Variants in TAFA2 observed in about 807,000 individuals in gnomAD.
TAFA2 encodes the protein chemokine-like protein TAFA-2.
Under a neutral mutation model 18.8 loss-of-function variants are expected in TAFA2, and 7 were observed. That is an observed-to-expected ratio of 0.37 (90% confidence interval 0.21 to 0.70). The LOEUF (loss-of-function observed/expected upper bound fraction) is 0.70. TAFA2 is among the 30% of genes least tolerant of loss of function. The pLI, the probability that TAFA2 is intolerant of heterozygous loss-of-function variation, is 0.53. For missense variants in TAFA2, 122 were observed against 158.1 expected (o/e 0.77, Z 1.23); for synonymous variants, 60 against 54.2 (o/e 1.11, Z -0.47).
At chr12:61,988,719 C>CA (rs1879898616) in intron 1 of TAFA2, among the ~76,000 whole-genome samples, 1 of 152,100 alleles carries the variant, frequency 6.6e-6, no homozygotes, top group Admixed American at 6.6e-5. Context: ...CAACTTGGCC[C>CA]AACAACGGAG....
intron 2 of TAFA2, among the ~76,000 whole-genome samples, chr12:61,780,536 C>A (rs1870459894): frequency 6.6e-6 from 1 of 151,514 alleles, no homozygotes; most frequent in South Asian, 2.1e-4. Flanking sequence ...CAGTCTCTTG[C>A]CAGTTTTACA....
chr12:61,916,386 T>C (rs1214014447), intron 1 of TAFA2, among the ~76,000 whole-genome samples: 3 of 152,164 alleles, frequency 2.0e-5, no homozygotes, highest in African/African-American at 7.2e-5. Flanking sequence ...CGACGGTTGA[T>C]TGTGAGGATC....
intron 1 of TAFA2, among the ~76,000 whole-genome samples, chr12:62,178,198 G>A (rs1346652710): frequency 6.6e-6 from 1 of 152,132 alleles, no homozygotes; most frequent in Non-Finnish European, 1.5e-5. Context: ...TTTTTGGAAG[G>A]CTGAGGCAGG....
At chr12:62,256,673 C>T (rs2062940661) in intron 1 of TAFA2, among the ~76,000 whole-genome samples, 1 of 152,180 alleles carries the variant, frequency 6.6e-6, no homozygotes, top group Non-Finnish European at 1.5e-5. Flanking sequence ...TTTCATCTTA[C>T]TATATTTTCA....
At chr12:62,219,918 T>G (rs1015138717) in intron 1 of TAFA2, among the ~76,000 whole-genome samples, 1 of 152,152 alleles carries the variant, frequency 6.6e-6, no homozygotes, top group African/African-American at 2.4e-5. Context: ...AACCCAGTGA[T>G]CAGCAGATCA....
chr12:61,876,327 G>T (rs185736381), intron 1 of TAFA2, among the ~76,000 whole-genome samples: 6 of 152,160 alleles, frequency 3.9e-5, no homozygotes, highest in South Asian at 2.1e-4. Flanking sequence ...GTGAAAAAGT[G>T]AGTGAGAACA....
At chr12:62,051,254 T>C (rs1487499992) in intron 1 of TAFA2, among the ~76,000 whole-genome samples, 1 of 152,192 alleles carries the variant, frequency 6.6e-6, no homozygotes, top group Non-Finnish European at 1.5e-5. Flanking sequence ...AGATTGGTCC[T>C]TACTCCTCCT....
chr12:61,845,403 G>C (rs1007435847), intron 2 of TAFA2, among the ~76,000 whole-genome samples: 1 of 152,128 alleles, frequency 6.6e-6, no homozygotes, highest in Non-Finnish European at 1.5e-5. Flanking sequence ...CCAAGTGTTT[G>C]GTCACCCCCA....
rs914267032 is a variant in TAFA2 at position 62,257,343 on chromosome 12, C to T, written c.-130+1420G>A. On this transcript the variant is annotated intron_variant, in intron 1 of 5. Transcript: ENST00000551619. Reference sequence around the variant, plus strand: ...TTCCATTAAACTGTATTACAAAATGCAGTGCTTTTTTTCTCTGGTTCACCC... The same window carrying T: ...TTCCATTAAACTGTATTACAAAATGTAGTGCTTTTTTTCTCTGGTTCACCC... Among the ~76,000 whole-genome samples the T allele has an allele frequency of 9.9e-5, 15 of 152,172 alleles. 1 individual carries two copies. Among genetic ancestry groups the T allele is most frequent in the African/African-American group, 3.6e-4 (15 of 41,524 alleles).
chr12:61,773,109 G>A (rs1870104937), intron 2 of TAFA2, among the ~76,000 whole-genome samples: 1 of 151,696 alleles, frequency 6.6e-6, no homozygotes, highest in African/African-American at 2.4e-5. Flanking sequence ...TTTTATGATA[G>A]CTGCAGAAAA....
At chr12:61,810,854 A>AG (rs1250908573) in intron 2 of TAFA2, among the ~76,000 whole-genome samples, 10 of 147,874 alleles carry the variant, frequency 6.8e-5, no homozygotes, top group Non-Finnish European at 1.3e-4. Flanking sequence ...CATGTGTGGA[A>AG]GAAAAAAGAG....
chr12:61,817,476 T>C (rs954794748), intron 2 of TAFA2, among the ~76,000 whole-genome samples: 3 of 152,212 alleles, frequency 2.0e-5, no homozygotes, highest in African/African-American at 7.2e-5. Context: ...AAGGAACTTA[T>C]ATGGCTTTGA....
chr12:61,962,026 T>C (rs1314188913), intron 1 of TAFA2, among the ~76,000 whole-genome samples: 1 of 152,016 alleles, frequency 6.6e-6, no homozygotes, highest in Non-Finnish European at 1.5e-5. Context: ...ACTTCGCTTA[T>C]AGTAAACACT....
intron 1 of TAFA2, among the ~76,000 whole-genome samples, chr12:61,896,217 T>A (rs1262331350): frequency 6.6e-6 from 1 of 152,190 alleles, no homozygotes; most frequent in South Asian, 2.1e-4. Flanking sequence ...GCCTAAAACT[T>A]AGCCAAAGCT....
intron 1 of TAFA2, chr12:62,234,576 GAA>G: frequency 1.2e-6 from 1 of 831,430 alleles, no homozygotes; most frequent in South Asian, 1.3e-5. Flanking sequence ...TAGAACGGAA[GAA>G]AGACCATAAA....
intron 1 of TAFA2, among the ~76,000 whole-genome samples, chr12:61,948,054 A>C (rs1031167109): frequency 2.0e-5 from 3 of 152,238 alleles, no homozygotes; most frequent in Non-Finnish European, 4.4e-5. Flanking sequence ...AGAATGACCT[A>C]CTATGTGCCT....
At chr12:61,711,379 A>T (rs1869400562) in intron 4 of TAFA2, among the ~76,000 whole-genome samples, 1 of 151,930 alleles carries the variant, frequency 6.6e-6, no homozygotes, top group African/African-American at 2.4e-5. Context: ...TGTGTTAATA[A>T]ATTTCTAATT....
At chr12:62,198,514 CAATTA>C (rs886167254) in intron 1 of TAFA2, 1 of 152,142 alleles carries the variant, frequency 6.6e-6, no homozygotes, top group East Asian at 1.9e-4. Flanking sequence ...GGTATTATAA[CAATTA>C]AATTAAAACT....
At chr12:62,115,934 T>C (rs10877793) in intron 1 of TAFA2, among the ~76,000 whole-genome samples, 23,612 of 152,162 alleles carry the variant, frequency 0.16, 1,947 homozygotes, top group East Asian at 0.31. Context: ...CTGTGTGGTC[T>C]AGCCTCCCAG....
Sources: gnomAD v4.1 joint callset for allele counts (sites outside exome capture counted in the v4.1 genomes callset) on GRCh38, gnomAD v4.1.1 for gene constraint, MANE v1.5 for transcripts, NCBI Gene and HGNC (gene_info 2026-07-23, HGNC 2026-07-21) for gene names.